NKAIN1: variants seen among roughly 807,000 people sequenced by gnomAD.
NKAIN1 encodes sodium/potassium transporting ATPase interacting 1.
NKAIN1 carries 13 observed loss-of-function variants against 31.6 expected under a neutral mutation model. The observed-to-expected ratio is 0.41, with a 90% CI of 0.27 to 0.65. The LOEUF (loss-of-function observed/expected upper bound fraction) is 0.65. Among genes scored for constraint, NKAIN1 ranks in the 30% least tolerant of loss-of-function variants. The probability of loss-of-function intolerance (pLI) is 0.30; values close to 1 mark genes in which losing one functional copy is unlikely to be tolerated. For synonymous variants in NKAIN1, 104 were observed against 109.0 expected, an observed-to-expected ratio of 0.95 and a Z score of 0.28; for missense variants, 193 against 262.2, an observed-to-expected ratio of 0.74 and a Z score of 1.82.
At chr1:31,231,981 C>T (rs1311945205) in intron 1 of NKAIN1, among the ~76,000 whole-genome samples, 1 of 150,992 alleles carries the variant, frequency 6.6e-6, no homozygotes, top group Non-Finnish European at 1.5e-5. Context: ...GGCAGTGGTG[C>T]AATCATGGCT....
At position 31,193,262 on chromosome 1, in the gene NKAIN1, T is replaced by G. The variant is rs201260296; in HGVS notation, c.55-5075A>C. On this transcript the variant is annotated intron_variant, in intron 1 of 6. Transcript: ENST00000373736. Reference sequence around the variant, plus strand: ...TTTTTGTACATTTAGTAGAGACGGGTTTTCACCATGTTAGCCAGGATGGTC... The same window carrying G: ...TTTTTGTACATTTAGTAGAGACGGGGTTTCACCATGTTAGCCAGGATGGTC... Among the ~76,000 whole-genome samples, 618 of 149,836 alleles carry G rather than the reference T, an allele frequency of 4.1e-3. 35 individuals carry two copies. The East Asian group carries it at 0.1, about 25-fold the overall frequency.
chr1:31,210,614 C>T (rs1645461010), intron 1 of NKAIN1, among the ~76,000 whole-genome samples: 2 of 152,178 alleles, frequency 1.3e-5, no homozygotes, highest in Non-Finnish European at 2.9e-5. Flanking sequence ...TGGCAAAAAA[C>T]GCAATCTCTT....
intron 3 of NKAIN1, among the ~76,000 whole-genome samples, chr1:31,184,423 AC>A (rs1645227189): frequency 6.6e-6 from 1 of 152,236 alleles, no homozygotes; most frequent in South Asian, 2.1e-4. Context: ...AGAAGTTCTT[AC>A]CCAGGGTGTG....
intron 1 of NKAIN1, among the ~76,000 whole-genome samples, chr1:31,195,585 T>C (rs1413495966): frequency 6.6e-6 from 1 of 151,766 alleles, no homozygotes; most frequent in African/African-American, 2.4e-5. Context: ...CAGATCCTTC[T>C]CACTGGCTCC....
At chr1:31,197,585 C>T (rs1277724517) in intron 1 of NKAIN1, among the ~76,000 whole-genome samples, 11 of 127,678 alleles carry the variant, frequency 8.6e-5, no homozygotes, top group Admixed American at 4.8e-4. Context: ...CCAGCTTCGT[C>T]GCCCAGGTTG....
intron 1 of NKAIN1, among the ~76,000 whole-genome samples, chr1:31,201,508 G>A (rs1389770999): frequency 4.1e-5 from 6 of 144,828 alleles, no homozygotes; most frequent in Non-Finnish European, 6.1e-5. Context: ...ACAGGTGCCC[G>A]CCACCATGCC....
At chr1:31,191,106 C>G (rs1645280890) in intron 1 of NKAIN1, among the ~76,000 whole-genome samples, 1 of 152,216 alleles carries the variant, frequency 6.6e-6, no homozygotes. Context: ...GCCTGGCCAA[C>G]ATGGTGAAAC....
At position 31,224,184 on chromosome 1, in the gene NKAIN1, C is replaced by T. The variant is rs572310284; in HGVS notation, c.54+15310G>A. On this transcript the variant is annotated intron_variant, in intron 1 of 6. Coordinates refer to ENST00000373736, the MANE Select transcript of NKAIN1 (RefSeq NM_024522.3). ...AGGTTGGGGACATCCCCCCATGCCC[C>T]AGCAGCCCCCTTCCCTCCCTCTGAG... Among the ~76,000 whole-genome samples the T allele has an allele frequency of 2.8e-3, 432 of 152,320 alleles. 1 individual carries two copies. Among genetic ancestry groups the T allele is most frequent in the Non-Finnish European group, 4.1e-3 (276 of 68,036 alleles).
At chr1:31,238,576 G>C (rs1645709097) in intron 1 of NKAIN1, among the ~76,000 whole-genome samples, 1 of 152,148 alleles carries the variant, frequency 6.6e-6, no homozygotes, top group South Asian at 2.1e-4. Flanking sequence ...GTTTCTTCTA[G>C]TCCACTACAG....
intron 1 of NKAIN1, among the ~76,000 whole-genome samples, chr1:31,220,314 G>A (rs937193816): frequency 1.3e-5 from 2 of 151,772 alleles, no homozygotes; most frequent in Non-Finnish European, 1.5e-5. Flanking sequence ...ACCACACCTG[G>A]CAACATTCAG....
intron 1 of NKAIN1, among the ~76,000 whole-genome samples, chr1:31,203,251 C>T (rs556359107): frequency 2.9e-4 from 44 of 151,966 alleles, no homozygotes; most frequent in African/African-American, 9.9e-4. Context: ...GGTGACAGAG[C>T]GAGATTCCAT....
At chr1:31,193,132 G>A (rs1246053208) in intron 1 of NKAIN1, among the ~76,000 whole-genome samples, 1 of 151,300 alleles carries the variant, frequency 6.6e-6, no homozygotes, top group African/African-American at 2.4e-5. Flanking sequence ...GCAGTGGCGT[G>A]ATCTCGGCTC....
chr1:31,212,738 A>C (rs61778332), intron 1 of NKAIN1, among the ~76,000 whole-genome samples: 100,816 of 150,318 alleles, frequency 0.67, 34,784 homozygotes, highest in Middle Eastern at 0.86. Context: ...CGGTGGCTCA[A>C]GCCTGTAATC....
chr1:31,204,354 G>A (rs1446092889), intron 1 of NKAIN1, among the ~76,000 whole-genome samples: 1 of 152,098 alleles, frequency 6.6e-6, no homozygotes, highest in East Asian at 1.9e-4. Flanking sequence ...GGCCTTTCTT[G>A]GCAAGCTGAG....
intron 2 of NKAIN1, among the ~76,000 whole-genome samples, chr1:31,187,742 T>C (rs572159949): frequency 4.6e-5 from 7 of 152,168 alleles, no homozygotes; most frequent in Admixed American, 2.0e-4. Context: ...CACAGGGCTA[T>C]TGTAGACATG....
At chr1:31,218,043 T>TCTTTCTTC in intron 1 of NKAIN1, among the ~76,000 whole-genome samples, 1 of 137,614 alleles carries the variant, frequency 7.3e-6, no homozygotes, top group African/African-American at 2.8e-5. Context: ...TTTCTTTCTT[T>TCTTTCTTC]CTTTCTTTCT....
intron 1 of NKAIN1, among the ~76,000 whole-genome samples, chr1:31,209,849 T>A (rs1645453944): frequency 6.6e-6 from 1 of 151,614 alleles, no homozygotes; most frequent in African/African-American, 2.4e-5. Flanking sequence ...TAGCCAGGTG[T>A]GGTGGTGCAT....
chr1:31,210,585 G>A (rs564549057), intron 1 of NKAIN1, among the ~76,000 whole-genome samples: 20 of 152,224 alleles, frequency 1.3e-4, no homozygotes, highest in African/African-American at 4.3e-4. Context: ...CCCCACACCC[G>A]GCTTGCCATT....
chr1:31,182,181 G>C (rs1254789824), intron 5 of NKAIN1, among the ~76,000 whole-genome samples: 1 of 152,042 alleles, frequency 6.6e-6, no homozygotes, highest in Admixed American at 6.6e-5. Context: ...GCCAGCTGAG[G>C]GTCAGGCCCC....
Sources: gnomAD v4.1 joint callset for allele counts (sites outside exome capture counted in the v4.1 genomes callset) on GRCh38, gnomAD v4.1.1 for gene constraint, MANE v1.5 for transcripts, NCBI Gene and HGNC (gene_info 2026-07-23, HGNC 2026-07-21) for gene names.